Variants in NAGK observed in about 807,000 individuals in gnomAD.
NAGK encodes the protein N-acetylglucosamine kinase.
Under a neutral mutation model 42.9 loss-of-function variants are expected in NAGK, and 35 were observed. The observed-to-expected ratio is 0.82, with a 90% CI of 0.62 to 1.08. The LOEUF is 1.08. NAGK is among the 50% of genes least tolerant of loss of function. The pLI is 0.00. For synonymous variants in NAGK, 172 were observed against 176.0 expected, an observed-to-expected ratio of 0.98 and a Z score of 0.18; for missense variants, 446 against 446.0, an observed-to-expected ratio of 1.00 and a Z score of 0.00.
At position 71,072,566 on chromosome 2, in the gene NAGK, T is replaced by A. The variant is rs1672055615; in HGVS notation, c.356-75T>A. On this transcript the variant is annotated intron_variant, in intron 4 of 9. Transcript: ENST00000244204. Reference sequence around the variant, plus strand: ...CCTTGCCTGGGGCTGTTTTCTGTCCTGTCTTTCCACAGTGGCAAGCTGTTG... The same window carrying A: ...CCTTGCCTGGGGCTGTTTTCTGTCCAGTCTTTCCACAGTGGCAAGCTGTTG... 1.0e-5 allele frequency: 13 copies of A among 1,280,756 alleles called. No individual in the cohort carries two copies. The South Asian group carries it at 1.6e-4, about 16-fold the overall frequency. The allele number at this position is 1,280,756 out of a possible 1,614,324, so 79.3% of individuals were successfully genotyped here. A position where few individuals can be genotyped will look rare whatever the true frequency, so the allele number is the denominator to read the frequency against.
intron 7 of NAGK, 137 bp downstream of exon 7, chr2:71,075,779 CT>C (rs1317788942): frequency 9.5e-6 from 8 of 840,758 alleles, no homozygotes; most frequent in African/African-American, 3.4e-5. Context: ...CACCACTGGC[CT>C]TGGTGGTGGT....
chr2:71,069,176 T>C, intron 1 of NAGK: 1 of 889,172 alleles, frequency 1.1e-6, no homozygotes, highest in Non-Finnish European at 1.3e-6. Flanking sequence ...AGTACTAGGT[T>C]GTCCTGATGT....
At chr2:71,072,436 C>G in intron 4 of NAGK, 2 of 534,796 alleles carry the variant, frequency 3.7e-6, no homozygotes, top group South Asian at 4.1e-5. Context: ...TCCCCCTAGA[C>G]GAGGGCGTTA....
chr2:71,070,564 A>G lies in NAGK; in HGVS notation c.92A>G (p.Asp31Gly), dbSNP rs1249073787. Reference sequence around the variant, plus strand: ...GATGGGAAGATCCTGGCAGAAGCAGATGGACTGAGCACAAACCACTGGGTA... The same window carrying G: ...GATGGGAAGATCCTGGCAGAAGCAGGTGGACTGAGCACAAACCACTGGGTA... ...SEDGKILAEA[D>G]GLSTNHWLIG... is the part of the protein sequence containing the mutation. The change falls in exon 2 of 10, where the codon GAT (aspartate) becomes GGT (glycine). Residue 31 changes from aspartate (D) to glycine (G), a missense_variant. By Grantham distance (94) the Asp-to-Gly change is moderately conservative. Coordinates refer to ENST00000244204, the MANE Select transcript of NAGK (RefSeq NM_017567.6). The G allele has an allele frequency of 1.9e-6, 3 of 1,613,954 alleles. No individual in the cohort carries two copies. The East Asian group carries it at 6.7e-5, about 36-fold the overall frequency.
At chr2:71,072,548 T>TA in intron 4 of NAGK, 93 bp from the exon 5 acceptor site, 1 of 1,030,112 alleles carries the variant, frequency 9.7e-7, no homozygotes, top group East Asian at 2.6e-5. Flanking sequence ...TTCCCTTGCC[T>TA]GGGGCTGTTT....
Position 71,073,597 on chromosome 2 carries a change from A to G in NAGK, c.579+3A>G, listed in dbSNP as rs1558727576. On this transcript the variant is annotated splice_donor_region_variant and intron_variant, in intron 6 of 9. Transcript: ENST00000244204. The stretch of plus-strand genomic sequence containing the variant: ...AGGCCATGTTCCACTATTTCCAGGT[A>G]CTCCTCCTGCTCCCAGTAAACATGC... 6.2e-7 allele frequency: 1 copy of G among 1,605,128 alleles called. No individual in the cohort carries two copies. Among genetic ancestry groups the G allele is most frequent in the Non-Finnish European group, 8.5e-7 (1 of 1,171,974 alleles).
In NAGK at chr2:71,078,507, A is replaced by C; in HGVS notation, c.1034A>C (p.Ter345SerextTer17). Residue 345 changes from the stop codon to serine, a stop_lost, in exon 10 of 10, where the codon TAG becomes TCG. Coordinates refer to ENST00000244204, the MANE Select transcript of NAGK (RefSeq NM_017567.6). ...GCCTTCTATTCCTACACCTTTTCCT[A>C]GGGGGCTGGTCCCGGCTCCACCCCC... The part of the protein sequence containing the change: ...AIAFYSYTFS[*>S] The C allele has an allele frequency of 6.5e-7, 1 of 1,528,928 alleles. No homozygotes were observed. The highest frequency in any genetic ancestry group is 8.8e-7 in the Non-Finnish European group (1 of 1,131,976). 94.7% of individuals were successfully genotyped at this position (1,528,928 alleles called of 1,614,324 possible). A position where few individuals can be genotyped will look rare whatever the true frequency, so the allele number is the denominator to read the frequency against.
chr2:71,068,691 C>A lies in NAGK; in HGVS notation c.8C>A (p.Ala3Glu). The part of the protein sequence containing the change: MA[A>E]IYGGVEGGGT... ...AGCGACGGTAGCAGCAGCATGGCCG[C>A]GATCTATGGGGGTGTAGAGGGGTGA... Residue 3 changes from alanine to glutamate, a missense_variant, in exon 1 of 10, where the codon GCG becomes GAG. Transcript: ENST00000244204. 4 of 1,518,582 alleles carry A rather than the reference C, an allele frequency of 2.6e-6. No individual in the cohort carries two copies. Among genetic ancestry groups the A allele is most frequent in the Non-Finnish European group, 3.5e-6 (4 of 1,133,414 alleles). 94.1% of individuals were successfully genotyped at this position (1,518,582 alleles called of 1,614,324 possible).
chr2:71,076,620 C>G lies in NAGK; in HGVS notation c.684C>G (p.Asp228Glu), dbSNP rs950716238. Residue 228 changes from aspartate to glutamate, a missense_variant, in exon 8 of 10, where the codon GAC becomes GAG. Asp to Glu is a conservative substitution (Grantham distance 45, BLOSUM62 2). Transcript: ENST00000244204. ...CTACCCCAGGTGCTCAGCAGGGAGA[C>G]CCCCTTTCCCGCTATATCTTCAGGA... is the stretch of plus-strand genomic sequence containing the variant. ...RKIAEGAQQGDPLSRYIFRKA... is the reference protein window; with the variant it reads ...RKIAEGAQQGEPLSRYIFRKA... 6.2e-7 allele frequency: 1 copy of G among 1,613,556 alleles called. No homozygotes were observed. Among genetic ancestry groups the G allele is most frequent in the East Asian group, 2.2e-5 (1 of 44,846 alleles).
At chr2:71,074,151 GGC>G (rs1384792937) in intron 6 of NAGK, among the ~76,000 whole-genome samples, 3 of 152,222 alleles carry the variant, frequency 2.0e-5, no homozygotes, top group Non-Finnish European at 2.9e-5. Context: ...AGAGGTAAAA[GGC>G]GGGAGAGAAG....
chr2:71,076,935 C>T (rs1177916985), intron 8 of NAGK, among the ~76,000 whole-genome samples: 3 of 151,784 alleles, frequency 2.0e-5, no homozygotes, highest in Non-Finnish European at 4.4e-5. Flanking sequence ...GTTTAATGTA[C>T]GTGTGTGTGT....
intron 4 of NAGK, 92 bp from the exon 5 acceptor site, chr2:71,072,549 G>A: frequency 3.9e-6 from 4 of 1,035,650 alleles, no homozygotes; most frequent in Non-Finnish European, 4.4e-6. Flanking sequence ...TCCCTTGCCT[G>A]GGGCTGTTTT....
intron 5 of NAGK, 48 bp from the exon 6 acceptor site, chr2:71,073,434 G>A: frequency 1.5e-6 from 2 of 1,335,748 alleles, no homozygotes; most frequent in South Asian, 2.3e-5. Flanking sequence ...CTCCTCGTGA[G>A]CTCAGGATGA....
At chr2:71,070,623 C>T (rs751979050) in intron 2 of NAGK, 37 bp downstream of exon 2, 2 of 1,608,354 alleles carry the variant, frequency 1.2e-6, no homozygotes, top group South Asian at 2.2e-5. Context: ...GGGCTTGGTT[C>T]TGATTTTATT....
intron 6 of NAGK, chr2:71,074,807 C>T (rs901025951): frequency 1.3e-5 from 2 of 152,200 alleles, no homozygotes; most frequent in Non-Finnish European, 1.5e-5. Flanking sequence ...CCCAGGTACT[C>T]AGGAGGCTGA....
chr2:71,070,409 A>G, intron 1 of NAGK, 93 bp from the exon 2 acceptor site: 1 of 1,061,746 alleles, frequency 9.4e-7, no homozygotes, highest in Admixed American at 2.3e-5. Flanking sequence ...TGTCTCCTCC[A>G]TCATACTGGG....
chr2:71,072,023 T>C (rs1264909029), intron 4 of NAGK, among the ~76,000 whole-genome samples, 196 bp downstream of exon 4: 3 of 152,156 alleles, frequency 2.0e-5, no homozygotes, highest in Non-Finnish European at 4.4e-5. Context: ...GGTCTCTTGA[T>C]GGGAATCCAG....
At chr2:71,072,794 C>G in intron 5 of NAGK, 43 bp downstream of exon 5, 1 of 1,522,818 alleles carries the variant, frequency 6.6e-7, no homozygotes, top group Non-Finnish European at 9.1e-7. Flanking sequence ...TGGATCTGCT[C>G]CTTCCTTCAC....
intron 1 of NAGK, 79 bp from the exon 2 acceptor site, chr2:71,070,423 T>A (rs1474661236): frequency 4.0e-6 from 5 of 1,235,726 alleles, no homozygotes; most frequent in Non-Finnish European, 5.8e-6. Context: ...TACTGGGCTC[T>A]GCCAGTGTGG....
Sources: allele counts gnomAD v4.1 joint callset (sites outside exome capture counted in the v4.1 genomes callset), GRCh38; gene constraint gnomAD v4.1.1; transcripts MANE v1.5; gene names NCBI Gene and HGNC (gene_info 2026-07-23, HGNC 2026-07-21).